The following CAMK1D variants were observed in gnomAD, a reference collection of about 807,000 sequenced individuals.
The protein encoded by CAMK1D is calcium/calmodulin dependent protein kinase ID, also known as calcium/calmodulin-dependent protein kinase type 1D.
CAMK1D carries 9 observed loss-of-function variants against 47.7 expected under a neutral mutation model. The ratio of observed to expected loss-of-function variants is 0.19; its 90% CI spans 0.11 to 0.33. The LOEUF is 0.33. CAMK1D is among the 10% of genes least tolerant of loss of function. CAMK1D has a pLI of 1.00. For missense variants in CAMK1D, 291 were observed against 488.7 expected (o/e 0.60, Z 3.81); for synonymous variants, 184 against 184.9 (o/e 0.99, Z 0.04).
chr10:12,736,316 A>G (rs982575513), intron 3 of CAMK1D, among the ~76,000 whole-genome samples: 1 of 152,188 alleles, frequency 6.6e-6, no homozygotes, highest in African/African-American at 2.4e-5. Context: ...AAGGAGTGGT[A>G]TAAGAGCAAC....
At chr10:12,609,053 TG>T (rs1838547547) in intron 2 of CAMK1D, among the ~76,000 whole-genome samples, 2 of 152,282 alleles carry the variant, frequency 1.3e-5, no homozygotes, top group African/African-American at 2.4e-5. Context: ...TTCCAGGTTC[TG>T]GTCTTCCTGC....
rs1835094789 is a variant in CAMK1D at position 12,513,298 on chromosome 10, C to T, written c.93-39927C>T. Among the ~76,000 whole-genome samples, 3 of 152,150 alleles carry T rather than the reference C, an allele frequency of 2.0e-5. No homozygotes were observed. The South Asian group carries it at 6.2e-4, about 31-fold the overall frequency. The stretch of plus-strand genomic sequence containing the variant: ...AGGCATGATGACAGGCTTTTGAGTT[C>T]TTTGGACAGGCCATAAATGAATCGT... On this transcript the variant is annotated intron_variant, in intron 1 of 10. Transcript: ENST00000619168.
chr10:12,718,403 A>G (rs1029245435), intron 3 of CAMK1D, among the ~76,000 whole-genome samples: 2 of 152,172 alleles, frequency 1.3e-5, no homozygotes, highest in African/African-American at 2.4e-5. Flanking sequence ...TTTCTCGTCA[A>G]CTCTGGTGTA....
intron 1 of CAMK1D, among the ~76,000 whole-genome samples, chr10:12,395,434 A>C (rs1288051855): frequency 6.6e-6 from 1 of 152,098 alleles, no homozygotes. Context: ...CAGTCACCTC[A>C]TTAGCCCACA....
intron 1 of CAMK1D, among the ~76,000 whole-genome samples, chr10:12,421,031 T>TG (rs1840031819): frequency 1.3e-5 from 2 of 152,174 alleles, no homozygotes; most frequent in Non-Finnish European, 2.9e-5. Context: ...CTCAGAGTCT[T>TG]GCAGGCTGTA....
chr10:12,564,119 G>GTCTCTC (rs765364710), intron 2 of CAMK1D, among the ~76,000 whole-genome samples: 11 of 127,232 alleles, frequency 8.6e-5, no homozygotes, highest in Non-Finnish European at 1.3e-4. Context: ...CTGTCTAGAT[G>GTCTCTC]TCTCTCTCTC....
intron 2 of CAMK1D, among the ~76,000 whole-genome samples, chr10:12,659,590 A>G (rs1182168602): frequency 6.6e-6 from 1 of 152,194 alleles, no homozygotes; most frequent in Non-Finnish European, 1.5e-5. Context: ...TATTTCCCAC[A>G]CTGATTATAA....
chr10:12,518,763 G>T lies in CAMK1D; in HGVS notation c.93-34462G>T, dbSNP rs1203593004. ...CACCGCCCTTAATCCATTTAACCCT[G>T]AGTGGACACAGCACATGTTTCAGAG... On this transcript the variant is annotated intron_variant, in intron 1 of 10. Transcript: ENST00000619168. Among the ~76,000 whole-genome samples, 27 of 98,246 alleles carry T rather than the reference G, an allele frequency of 2.7e-4. 4 individuals carry two copies. Among genetic ancestry groups the T allele is most frequent in the African/African-American group, 1.0e-3 (27 of 26,770 alleles). The allele number at this position is 98,246 out of a possible 152,430, so 64.5% of individuals were successfully genotyped here.
intron 1 of CAMK1D, among the ~76,000 whole-genome samples, chr10:12,371,037 T>A (rs1564298151): frequency 6.6e-6 from 1 of 151,924 alleles, no homozygotes; most frequent in African/African-American, 2.4e-5. Context: ...ATTACAAGAG[T>A]CAAAAAATTA....
intron 2 of CAMK1D, among the ~76,000 whole-genome samples, chr10:12,621,993 G>A (rs1271541298): frequency 6.6e-6 from 1 of 152,170 alleles, no homozygotes; most frequent in Non-Finnish European, 1.5e-5. Flanking sequence ...TGCTCGGGGA[G>A]CTCCTTCCCA....
In CAMK1D at chr10:12,835,400, G is replaced by C. The variant is rs991998848; in HGVS notation, c.*6513G>C. The C allele has an allele frequency of 1.3e-5, 2 of 152,232 alleles. No homozygotes were observed. The highest frequency in any genetic ancestry group is 4.8e-5 in the African/African-American group (2 of 41,464). The allele number at this position is 152,232 out of a possible 1,614,324, so 9.4% of individuals were successfully genotyped here. On this transcript the variant is annotated 3_prime_UTR_variant, in exon 11 of 11. Coordinates refer to ENST00000619168, the MANE Select transcript of CAMK1D (RefSeq NM_153498.4). ...CAAGAAGTTTAACCCACATAGGTTT[G>C]CGGCACTGCAAAATTGTTCATGGGT...
chr10:12,593,593 AAAACAAAC>A (rs893898061), intron 2 of CAMK1D, among the ~76,000 whole-genome samples: 20 of 151,362 alleles, frequency 1.3e-4, no homozygotes, highest in Non-Finnish European at 2.7e-4. Flanking sequence ...TCCGTCTCAA[AAAACAAAC>A]AAACAAACAA....
chr10:12,707,608 G>C (rs1198603520), intron 3 of CAMK1D, among the ~76,000 whole-genome samples: 1 of 152,214 alleles, frequency 6.6e-6, no homozygotes, highest in Non-Finnish European at 1.5e-5. Context: ...TAGAGAGCTA[G>C]GGAAGGGAAG....
intron 2 of CAMK1D, among the ~76,000 whole-genome samples, chr10:12,647,908 A>T (rs777014944): frequency 2.6e-4 from 40 of 152,246 alleles, no homozygotes; most frequent in Admixed American, 1.8e-3. Flanking sequence ...TGTTGATGGG[A>T]TGTCCTTAGG....
At chr10:12,375,113 G>A (rs189068153) in intron 1 of CAMK1D, among the ~76,000 whole-genome samples, 72 of 152,104 alleles carry the variant, frequency 4.7e-4, no homozygotes, top group Admixed American at 8.5e-4. Flanking sequence ...TTTTGCTTTC[G>A]GGAAAATTTT....
intron 3 of CAMK1D, among the ~76,000 whole-genome samples, chr10:12,757,417 C>T (rs1419732601): frequency 6.6e-6 from 1 of 152,140 alleles, no homozygotes; most frequent in Non-Finnish European, 1.5e-5. Flanking sequence ...AGCTTTCAAA[C>T]ATGCACACAG....
chr10:12,751,102 AT>A (rs1168721579), intron 3 of CAMK1D, among the ~76,000 whole-genome samples: 11 of 91,352 alleles, frequency 1.2e-4, no homozygotes, highest in South Asian at 3.2e-4. Context: ...ATAAGATAAG[AT>A]AAGATAAGAT....
At chr10:12,630,042 C>G (rs1588709698) in intron 2 of CAMK1D, among the ~76,000 whole-genome samples, 1 of 152,186 alleles carries the variant, frequency 6.6e-6, no homozygotes, top group Non-Finnish European at 1.5e-5. Flanking sequence ...GGCACCTGAG[C>G]CCCGTAGGGT....
intron 1 of CAMK1D, among the ~76,000 whole-genome samples, chr10:12,495,755 G>T (rs1011172778): frequency 6.6e-5 from 10 of 152,198 alleles, no homozygotes; most frequent in African/African-American, 2.4e-4. Flanking sequence ...GTGGGTGAAA[G>T]ATTGAAAAAT....
Sources: allele counts gnomAD v4.1 joint callset (sites outside exome capture counted in the v4.1 genomes callset), GRCh38; gene constraint gnomAD v4.1.1; transcripts MANE v1.5; gene names NCBI Gene and HGNC (gene_info 2026-07-23, HGNC 2026-07-21).